Variants in NTNG2 observed in about 807,000 individuals in gnomAD.
The protein encoded by NTNG2 is netrin G2.
NTNG2 carries 15 observed loss-of-function variants against 47.6 expected under a neutral mutation model. The ratio of observed to expected loss-of-function variants is 0.32; its 90% CI spans 0.21 to 0.49. The LOEUF is 0.49. NTNG2 is among the 20% of genes least tolerant of loss of function. The pLI is 0.99. For missense variants in NTNG2, 578 were observed against 764.6 expected (o/e 0.76, Z 2.88); for synonymous variants, 307 against 324.6 (o/e 0.95, Z 0.58).
intron 3 of NTNG2, among the ~76,000 whole-genome samples, chr9:132,206,929 C>T (rs573545986): frequency 2.0e-5 from 3 of 152,350 alleles, no homozygotes; most frequent in East Asian, 1.9e-4. Flanking sequence ...AGGTGGTTGA[C>T]CCCTGGACCT....
Position 132,163,277 on chromosome 9 carries a change from C to T in NTNG2, c.-484+1038C>T, listed in dbSNP as rs551391438. 6.6e-6 allele frequency among the ~76,000 whole-genome samples: 1 copy of T among 152,152 alleles called. No homozygotes were observed. Among genetic ancestry groups the T allele is most frequent in the Admixed American group, 6.5e-5 (1 of 15,300 alleles). ...CGAAGCACTGACTCGACCCTGGCCCCGGCCTCGACCCCGCCCGCGGCCCGC... is the reference window on the plus strand; with the variant it reads ...CGAAGCACTGACTCGACCCTGGCCCTGGCCTCGACCCCGCCCGCGGCCCGC... On this transcript the variant is annotated intron_variant, in intron 1 of 7. Coordinates refer to ENST00000393229, the MANE Select transcript of NTNG2 (RefSeq NM_032536.4). The surrounding 1 kb of genome is among the most constrained non-coding windows in gnomAD (Gnocchi z 7.2).
intron 2 of NTNG2, among the ~76,000 whole-genome samples, chr9:132,188,880 A>C (rs959056672): frequency 1.3e-5 from 2 of 152,094 alleles, no homozygotes; most frequent in Non-Finnish European, 2.9e-5. Flanking sequence ...ACAGGATCAG[A>C]TGTGGTCGCT....
intron 2 of NTNG2, among the ~76,000 whole-genome samples, chr9:132,174,453 G>A (rs1345994430): frequency 6.6e-6 from 1 of 152,212 alleles, no homozygotes; most frequent in Non-Finnish European, 1.5e-5. Context: ...GGGCCCGGGG[G>A]CATCCCGCAC....
At chr9:132,196,315 C>T (rs1838312078) in intron 2 of NTNG2, among the ~76,000 whole-genome samples, 2 of 152,206 alleles carry the variant, frequency 1.3e-5, no homozygotes, top group African/African-American at 4.8e-5. Flanking sequence ...CTCAGCCTCC[C>T]CAGTAACTGG....
chr9:132,216,714 G>C (rs1255479322), intron 3 of NTNG2, among the ~76,000 whole-genome samples: 1 of 152,144 alleles, frequency 6.6e-6, no homozygotes, highest in Non-Finnish European at 1.5e-5. Flanking sequence ...TGGTTCCTGA[G>C]GGTCAAATTC....
chr9:132,206,780 C>G (rs1839200723), intron 3 of NTNG2, among the ~76,000 whole-genome samples: 1 of 152,268 alleles, frequency 6.6e-6, no homozygotes, highest in Non-Finnish European at 1.5e-5. Context: ...TCTCCCAGGC[C>G]CCCTGAGCTA....
At chr9:132,227,549 C>T (rs1335333735) in intron 4 of NTNG2, among the ~76,000 whole-genome samples, 1 of 152,172 alleles carries the variant, frequency 6.6e-6, no homozygotes, top group Non-Finnish European at 1.5e-5. Flanking sequence ...GAGCGAGCCA[C>T]CAAGGCCAAG....
chr9:132,235,309 C>CG (rs1841538529), intron 5 of NTNG2, among the ~76,000 whole-genome samples: 1 of 152,204 alleles, frequency 6.6e-6, no homozygotes, highest in African/African-American at 2.4e-5. Context: ...GGCCCAGAGG[C>CG]GGGACCTGGT....
chr9:132,237,429 ACCCCTGCCGCTG>A (rs1186420979), intron 5 of NTNG2, among the ~76,000 whole-genome samples: 2 of 152,040 alleles, frequency 1.3e-5, no homozygotes, highest in East Asian at 1.9e-4. Flanking sequence ...AGCTGTGGGC[ACCCCTGCCGCTG>A]CCCCTGCCCC....
intron 2 of NTNG2, among the ~76,000 whole-genome samples, chr9:132,181,651 A>G (rs578103403): frequency 6.6e-6 from 1 of 152,296 alleles, no homozygotes; most frequent in East Asian, 1.9e-4. Flanking sequence ...CCTTCTCCTC[A>G]GAGCAGAAAC....
chr9:132,234,527 C>T (rs905661096), intron 5 of NTNG2, among the ~76,000 whole-genome samples: 5 of 152,238 alleles, frequency 3.3e-5, no homozygotes, highest in Admixed American at 2.0e-4. Context: ...TGAATACCCC[C>T]GAGTGCCTCC....
chr9:132,209,660 G>A (rs192894284), intron 3 of NTNG2, among the ~76,000 whole-genome samples: 14 of 152,356 alleles, frequency 9.2e-5, no homozygotes, highest in African/African-American at 3.1e-4. Flanking sequence ...GCAGAGCCCG[G>A]GAGTCCGGGA....
chr9:132,208,302 G>A lies in NTNG2; in HGVS notation c.857+9693G>A, dbSNP rs950400139. Reference sequence around the variant, plus strand: ...GACTCAGTGTGATGTGGCTGTGGTGGGTGAGTAAGATTCCAAAGAAGAGCA... The same window carrying A: ...GACTCAGTGTGATGTGGCTGTGGTGAGTGAGTAAGATTCCAAAGAAGAGCA... On this transcript the variant is annotated intron_variant, in intron 3 of 7. Coordinates refer to ENST00000393229, the MANE Select transcript of NTNG2 (RefSeq NM_032536.4). This position sits in a 1 kb window ranked among gnomAD's most constrained non-coding sequence, Gnocchi z 4.0. Among the ~76,000 whole-genome samples, 4 of 152,152 alleles carry A rather than the reference G, an allele frequency of 2.6e-5. No individual in the cohort carries two copies. The highest frequency in any genetic ancestry group is 9.7e-5 in the African/African-American group (4 of 41,436).
intron 2 of NTNG2, 69 bp downstream of exon 2, chr9:132,167,113 G>A (rs777423421): frequency 2.3e-4 from 357 of 1,539,442 alleles, no homozygotes; most frequent in Non-Finnish European, 3.0e-4. Context: ...GATCCTTGGG[G>A]TGGACGAGCA....
chr9:132,239,300 A>G (rs1260645231), intron 6 of NTNG2, 29 bp downstream of exon 6: 22 of 1,612,076 alleles, frequency 1.4e-5, no homozygotes, highest in Non-Finnish European at 1.9e-5. Context: ...GGCACAGGGA[A>G]CTTGCTGGAA....
Position 132,184,344 on chromosome 9 carries a change from G to C in NTNG2, c.214-13622G>C, listed in dbSNP as rs894556263. The stretch of plus-strand genomic sequence containing the variant: ...ACCTGGAGAGGGAAGGGGCCGAGGA[G>C]GGGGAGTCACTCGGCTGTGTCAGGC... On this transcript the variant is annotated intron_variant, in intron 2 of 7. Transcript: ENST00000393229. Among the ~76,000 whole-genome samples the C allele has an allele frequency of 3.9e-5, 6 of 152,210 alleles. No individual in the cohort carries two copies. The East Asian group carries it at 7.7e-4, about 20-fold the overall frequency.
At chr9:132,239,684 G>A (rs1257035628) in intron 6 of NTNG2, among the ~76,000 whole-genome samples, 1 of 152,246 alleles carries the variant, frequency 6.6e-6, no homozygotes, top group African/African-American at 2.4e-5. Flanking sequence ...AGGTGGAGGA[G>A]CAGCCTATCC....
rs573994128 is a variant in NTNG2, at chr9:132,241,273, G to A, written c.1357+229G>A. On this transcript the variant is annotated intron_variant, in intron 7 of 7. Coordinates refer to ENST00000393229, the MANE Select transcript of NTNG2 (RefSeq NM_032536.4). Reference sequence around the variant, plus strand: ...CAGTGGGTGGGGCCTAGTGAGAGCGGGGCAGGGTTGGGATAGTTGGCAGGG... The same window carrying A: ...CAGTGGGTGGGGCCTAGTGAGAGCGAGGCAGGGTTGGGATAGTTGGCAGGG... Among the ~76,000 whole-genome samples, 15 of 151,766 alleles carry A rather than the reference G, an allele frequency of 9.9e-5. No individual in the cohort carries two copies. In the South Asian group the frequency reaches 3.1e-3, roughly 32 times the overall value.
chr9:132,170,555 C>T (rs372397457), intron 2 of NTNG2, among the ~76,000 whole-genome samples: 4 of 152,284 alleles, frequency 2.6e-5, no homozygotes, highest in Admixed American at 6.5e-5. Context: ...ATGGGGAGGG[C>T]GTGACTGGCA....
Sources: allele counts gnomAD v4.1 joint callset (sites outside exome capture counted in the v4.1 genomes callset), GRCh38; gene constraint gnomAD v4.1.1; non-coding constraint Gnocchi (gnomAD v3.1); transcripts MANE v1.5; gene names NCBI Gene and HGNC (gene_info 2026-07-23, HGNC 2026-07-21).